Variants in BCL7A observed in about 807,000 individuals in gnomAD.
BCL7A encodes B-cell CLL/lymphoma 7 protein family member A.
In BCL7A, 11 loss-of-function variants were observed where a neutral mutation model predicts 28.4. The observed-to-expected ratio is 0.39, with a 90% CI of 0.24 to 0.64. BCL7A has a LOEUF of 0.64. Among genes scored for constraint, BCL7A ranks in the 30% least tolerant of loss-of-function variants. BCL7A has a pLI of 0.50. For missense variants in BCL7A, 222 were observed against 274.8 expected (o/e 0.81, Z 1.36); for synonymous variants, 123 against 103.3 (o/e 1.19, Z -1.15).
At chr12:122,023,499 A>G (rs1883525395) in intron 1 of BCL7A, among the ~76,000 whole-genome samples, 1 of 152,230 alleles carries the variant, frequency 6.6e-6, no homozygotes, top group African/African-American at 2.4e-5. Context: ...GTCAAACCCA[A>G]CAAAAAAGGC....
intron 3 of BCL7A, among the ~76,000 whole-genome samples, chr12:122,040,676 G>A (rs1041510899): frequency 2.0e-5 from 3 of 152,046 alleles, no homozygotes; most frequent in Non-Finnish European, 4.4e-5. Flanking sequence ...ACGTGCAGCC[G>A]AAAGCCAGTC....
intron 4 of BCL7A, among the ~76,000 whole-genome samples, chr12:122,050,070 G>A (rs187530938): frequency 3.3e-5 from 5 of 152,260 alleles, no homozygotes; most frequent in African/African-American, 9.6e-5. Context: ...TCTGCCTCCC[G>A]GGTTCAACTG....
At chr12:122,028,174 C>T (rs1293008976) in intron 1 of BCL7A, among the ~76,000 whole-genome samples, 1 of 152,192 alleles carries the variant, frequency 6.6e-6, no homozygotes, top group African/African-American at 2.4e-5. Context: ...TCAATGTCCA[C>T]ACCTAGAAAT....
intron 4 of BCL7A, 114 bp from the exon 5 acceptor site, chr12:122,054,691 C>T (rs1884272105): frequency 2.8e-6 from 3 of 1,070,006 alleles, no homozygotes; most frequent in Admixed American, 2.2e-5. Flanking sequence ...TTGTAGCCTT[C>T]AAAGACCACT....
rs372159087 is a variant in BCL7A at position 122,060,426 on chromosome 12, G to T, written c.*1263G>T. ...AGATTTGCACACCCTCCAGAAAGGA[G>T]AGACGCAATCTCCCCTCCCTCCCAT... On this transcript the variant is annotated 3_prime_UTR_variant, in exon 6 of 6. Transcript: ENST00000261822. 3.0e-3 allele frequency: 700 copies of T among 233,332 alleles called. 8 individuals are homozygous for T. The South Asian group carries it at 0.033, about 11-fold the overall frequency. The allele number at this position is 233,332 out of a possible 1,614,324, so 14.5% of individuals were successfully genotyped here. A position where few individuals can be genotyped will look rare whatever the true frequency, so the allele number is the denominator to read the frequency against.
At chr12:122,037,495 G>A (rs12230841) in intron 3 of BCL7A, among the ~76,000 whole-genome samples, 13,148 of 152,248 alleles carry the variant, frequency 0.086, 716 homozygotes, top group East Asian at 0.24. Flanking sequence ...CCAGCTCCAA[G>A]GGCAGGGGGA....
At chr12:122,053,659 C>T (rs900280922) in intron 4 of BCL7A, among the ~76,000 whole-genome samples, 2 of 152,100 alleles carry the variant, frequency 1.3e-5, no homozygotes, top group East Asian at 3.9e-4. Context: ...AAACCGCTGC[C>T]GCCACTGCCT....
At chr12:122,054,734 A>G in intron 4 of BCL7A, 71 bp from the exon 5 acceptor site, 3 of 1,469,896 alleles carry the variant, frequency 2.0e-6, no homozygotes, top group East Asian at 2.3e-5. Context: ...AGGTATTTTC[A>G]GTATTTGGCC....
chr12:122,034,748 A>G (rs1593026054), intron 2 of BCL7A, among the ~76,000 whole-genome samples: 1 of 151,732 alleles, frequency 6.6e-6, no homozygotes, highest in South Asian at 2.1e-4. Context: ...TCTCAAAAAA[A>G]AAAAAAAGAA....
chr12:122,031,354 G>GCA (rs566749383), intron 2 of BCL7A, among the ~76,000 whole-genome samples: 12 of 151,266 alleles, frequency 7.9e-5, no homozygotes, highest in Non-Finnish European at 1.8e-4. Flanking sequence ...TGGGCCGAGC[G>GCA]CCCCCCCCAG....
intron 4 of BCL7A, chr12:122,044,306 C>A: frequency 2.5e-6 from 1 of 402,698 alleles, no homozygotes; most frequent in Non-Finnish European, 4.4e-6. Context: ...CCTAGGAGTT[C>A]AAGACCAGCC....
At chr12:122,039,304 A>G (rs551172045) in intron 3 of BCL7A, among the ~76,000 whole-genome samples, 30 of 148,640 alleles carry the variant, frequency 2.0e-4, no homozygotes, top group Non-Finnish European at 3.0e-4. Flanking sequence ...CTAAAAAAAA[A>G]TAGATTAAAA....
At chr12:122,027,532 C>T (rs187807998) in intron 1 of BCL7A, among the ~76,000 whole-genome samples, 1 of 149,106 alleles carries the variant, frequency 6.7e-6, no homozygotes, top group South Asian at 2.1e-4. Context: ...AGAGGGAGAC[C>T]TTATCTCAAA....
rs372266845 is a variant in BCL7A, at chr12:122,059,183, G to A, written c.*20G>A. 27 of 1,596,206 alleles carry A rather than the reference G, an allele frequency of 1.7e-5. No homozygotes were observed. The highest frequency in any genetic ancestry group is 3.3e-5 in the South Asian group (3 of 90,676). ...ATGTAGACGATGCTTTAAAGCCTCC[G>A]ATCCATGTTCCATGGAAGGTACATC... On this transcript the variant is annotated 3_prime_UTR_variant, in exon 6 of 6. Transcript: ENST00000261822. The surrounding 1 kb of genome is among the most constrained non-coding windows in gnomAD (Gnocchi z 4.0).
chr12:122,051,007 T>C (rs1254582704), intron 4 of BCL7A, among the ~76,000 whole-genome samples: 1 of 152,210 alleles, frequency 6.6e-6, no homozygotes, highest in Admixed American at 6.5e-5. Flanking sequence ...TCCTGCTTCT[T>C]TCCCATCCTG....
At chr12:122,034,087 C>A (rs118005540) in intron 2 of BCL7A, among the ~76,000 whole-genome samples, 1 of 149,738 alleles carries the variant, frequency 6.7e-6, no homozygotes, top group Non-Finnish European at 1.5e-5. Flanking sequence ...AGACTTCGCT[C>A]GCAAACATGC....
chr12:122,051,698 A>G (rs1047169919), intron 4 of BCL7A, among the ~76,000 whole-genome samples: 12 of 151,396 alleles, frequency 7.9e-5, no homozygotes, highest in Non-Finnish European at 1.0e-4. Flanking sequence ...TGGGGCACCC[A>G]CCTCCCCCAC....
At chr12:122,049,126 C>T (rs1027854323) in intron 4 of BCL7A, among the ~76,000 whole-genome samples, 4 of 138,200 alleles carry the variant, frequency 2.9e-5, no homozygotes, top group African/African-American at 1.1e-4. Flanking sequence ...GCTCAGGATA[C>T]TAAGGTAGGA....
rs749484569 is a variant in BCL7A, at chr12:122,061,445, C to T, written c.*2282C>T. On this transcript the variant is annotated 3_prime_UTR_variant, in exon 6 of 6. Coordinates refer to ENST00000261822, the MANE Select transcript of BCL7A (RefSeq NM_001024808.3). ...ACCACGGCCACGCCAGGCAAAGCGCCAGCAGCCCTGCACTCCACGCTGGCC... is the reference window on the plus strand; with the variant it reads ...ACCACGGCCACGCCAGGCAAAGCGCTAGCAGCCCTGCACTCCACGCTGGCC... 15 of 232,202 alleles carry T rather than the reference C, an allele frequency of 6.5e-5. No individual in the cohort carries two copies. Among genetic ancestry groups the T allele is most frequent in the Middle Eastern group, 1.3e-3 (1 of 782 alleles). The allele number at this position is 232,202 out of a possible 1,614,324, so 14.4% of individuals were successfully genotyped here.
Sources: gnomAD v4.1 joint callset for allele counts (sites outside exome capture counted in the v4.1 genomes callset) on GRCh38, gnomAD v4.1.1 for gene constraint, Gnocchi (gnomAD v3.1) non-coding constraint, MANE v1.5 for transcripts, NCBI Gene and HGNC (gene_info 2026-07-23, HGNC 2026-07-21) for gene names.